ZNF385D: variants seen among roughly 807,000 people sequenced by gnomAD.
ZNF385D encodes the protein zinc finger protein 385D.
In ZNF385D, 15 loss-of-function variants were observed where a neutral mutation model predicts 35.8. That is an observed-to-expected ratio of 0.42 (90% CI 0.28 to 0.64). The LOEUF (loss-of-function observed/expected upper bound fraction) is 0.64, where lower values mean the gene tolerates loss of function less well. Ranked by LOEUF, ZNF385D falls within the 30% of genes least tolerant of loss-of-function variation. The pLI is 0.23. For missense variants in ZNF385D, 474 were observed against 494.6 expected (o/e 0.96, Z 0.39); for synonymous variants, 212 against 186.8 (o/e 1.13, Z -1.10).
intron 3 of ZNF385D, among the ~76,000 whole-genome samples, chr3:22,042,099 G>A (rs547658859): frequency 1.3e-5 from 2 of 152,056 alleles, no homozygotes; most frequent in African/African-American, 4.8e-5. Flanking sequence ...TATCAGATTG[G>A]GTCAAACATG....
At chr3:22,191,483 A>G (rs927644389) in intron 2 of ZNF385D, among the ~76,000 whole-genome samples, 12 of 147,372 alleles carry the variant, frequency 8.1e-5, no homozygotes, top group Non-Finnish European at 1.0e-4. Context: ...GTGAAACTCC[A>G]TCTAAGAAAA....
At chr3:21,989,258 C>T (rs1695011358) in intron 3 of ZNF385D, among the ~76,000 whole-genome samples, 1 of 152,196 alleles carries the variant, frequency 6.6e-6, no homozygotes, top group African/African-American at 2.4e-5. Flanking sequence ...GCTCAACCAA[C>T]TTGTTTCTTA....
At chr3:21,969,305 G>A (rs944645559) in intron 3 of ZNF385D, among the ~76,000 whole-genome samples, 3 of 152,078 alleles carry the variant, frequency 2.0e-5, no homozygotes, top group Admixed American at 2.0e-4. Flanking sequence ...ACCAGGTGGA[G>A]GTAATTGAGT....
At chr3:21,925,945 T>C (rs1700704626) in intron 3 of ZNF385D, among the ~76,000 whole-genome samples, 1 of 152,098 alleles carries the variant, frequency 6.6e-6, no homozygotes, top group Non-Finnish European at 1.5e-5. Flanking sequence ...TATGTAACTA[T>C]CAGAATGGCT....
At chr3:22,020,394 G>C (rs1007723748) in intron 3 of ZNF385D, among the ~76,000 whole-genome samples, 14 of 151,758 alleles carry the variant, frequency 9.2e-5, no homozygotes, top group African/African-American at 3.1e-4. Flanking sequence ...GGGAACATAA[G>C]ACAAGATAAG....
chr3:22,182,429 A>G (rs1005920308), intron 2 of ZNF385D, among the ~76,000 whole-genome samples: 1 of 152,138 alleles, frequency 6.6e-6, no homozygotes, highest in African/African-American at 2.4e-5. Flanking sequence ...TGATCACCTG[A>G]TGCACATCCA....
chr3:22,085,859 A>T (rs956636051), intron 3 of ZNF385D, among the ~76,000 whole-genome samples: 19 of 152,240 alleles, frequency 1.2e-4, no homozygotes, highest in African/African-American at 4.3e-4. Context: ...ATCCACCATG[A>T]TCAAGTCAGC....
chr3:21,633,052 A>T (rs538513639), intron 2 of ZNF385D, among the ~76,000 whole-genome samples: 1 of 152,246 alleles, frequency 6.6e-6, no homozygotes, highest in Non-Finnish European at 1.5e-5. Context: ...GAAAATGCAC[A>T]AAAGTCTAAA....
chr3:22,255,971 A>C (rs1422106055), intron 2 of ZNF385D, among the ~76,000 whole-genome samples: 1 of 151,662 alleles, frequency 6.6e-6, no homozygotes, highest in Non-Finnish European at 1.5e-5. Context: ...ACTCACCCTT[A>C]ATCTGGTTGT....
At chr3:21,558,241 G>C (rs1466928411) in intron 3 of ZNF385D, among the ~76,000 whole-genome samples, 1 of 150,726 alleles carries the variant, frequency 6.6e-6, no homozygotes, top group Admixed American at 6.6e-5. Flanking sequence ...TTTTAATTGT[G>C]ATGTTAGGGT....
At chr3:21,973,035 G>A (rs565436712) in intron 3 of ZNF385D, among the ~76,000 whole-genome samples, 25 of 151,938 alleles carry the variant, frequency 1.6e-4, no homozygotes, top group Admixed American at 6.6e-4. Flanking sequence ...ATTCTGAAAA[G>A]GGGAGAGGGA....
chr3:22,096,343 T>G (rs1167808899), intron 3 of ZNF385D, among the ~76,000 whole-genome samples: 1 of 142,574 alleles, frequency 7.0e-6, no homozygotes. Context: ...TTTAAATAAA[T>G]AAATACAAAT....
chr3:21,714,220 C>A (rs1045321235), intron 1 of ZNF385D, among the ~76,000 whole-genome samples: 8 of 152,110 alleles, frequency 5.3e-5, no homozygotes, highest in Non-Finnish European at 2.9e-5. Flanking sequence ...TTCCGGCAGA[C>A]CTTCCTGCTG....
chr3:22,030,291 A>ATGTATATATATATATGTATG (rs1697900653), intron 3 of ZNF385D, among the ~76,000 whole-genome samples: 5 of 113,640 alleles, frequency 4.4e-5, no homozygotes, highest in African/African-American at 2.2e-4. Context: ...ATATATATAT[A>ATGTATATATATATATGTATG]TATATATATA....
intron 2 of ZNF385D, among the ~76,000 whole-genome samples, chr3:22,216,493 G>C (rs1431093290): frequency 6.6e-6 from 1 of 152,098 alleles, no homozygotes; most frequent in East Asian, 1.9e-4. Context: ...TGAAAGCTAA[G>C]AGTGAGGAGG....
At chr3:21,643,791 A>G (rs747253757) in intron 2 of ZNF385D, among the ~76,000 whole-genome samples, 22 of 152,280 alleles carry the variant, frequency 1.4e-4, no homozygotes, top group East Asian at 1.9e-4. Flanking sequence ...GTGGTGTCCA[A>G]TGCTAGCCAC....
At chr3:21,888,296 T>C (rs974968757) in intron 3 of ZNF385D, among the ~76,000 whole-genome samples, 1 of 152,134 alleles carries the variant, frequency 6.6e-6, no homozygotes, top group Non-Finnish European at 1.5e-5. Context: ...ATCTTTTATA[T>C]TGTGGTATAT....
At chr3:22,069,126 A>G (rs149441282) in intron 3 of ZNF385D, among the ~76,000 whole-genome samples, 2,210 of 152,338 alleles carry the variant, frequency 0.015, 56 homozygotes, top group African/African-American at 0.051. Flanking sequence ...TGTTATAAAA[A>G]TTAACATTTT....
At chr3:22,003,337 A>T (rs941212769) in intron 3 of ZNF385D, among the ~76,000 whole-genome samples, 1 of 152,190 alleles carries the variant, frequency 6.6e-6, no homozygotes, top group Non-Finnish European at 1.5e-5. Context: ...TAGCTGCAAA[A>T]AAAGCATAAT....
Sources: gnomAD v4.1 joint callset for allele counts (sites outside exome capture counted in the v4.1 genomes callset) on GRCh38, gnomAD v4.1.1 for gene constraint, MANE v1.5 for transcripts, NCBI Gene and HGNC (gene_info 2026-07-23, HGNC 2026-07-21) for gene names.